ICE2: variants seen among roughly 807,000 people sequenced by gnomAD.
ICE2 encodes the protein little elongation complex subunit 2.
Under a neutral mutation model 105.4 loss-of-function variants are expected in ICE2, and 87 were observed. That is an observed-to-expected ratio of 0.83 (90% CI 0.69 to 0.99). The LOEUF is 0.99. Among genes scored for constraint, ICE2 ranks in the 50% least tolerant of loss-of-function variants. ICE2 has a pLI of 0.00. For missense variants in ICE2, 1,323 were observed against 1,146.7 expected, an observed-to-expected ratio of 1.15 and a Z score of -2.22; for synonymous variants, 399 against 392.0, an observed-to-expected ratio of 1.02 and a Z score of -0.21.
chr15:60,448,353 C>T (rs1785536429), intron 10 of ICE2, among the ~76,000 whole-genome samples: 1 of 152,128 alleles, frequency 6.6e-6, no homozygotes, highest in African/African-American at 2.4e-5. Flanking sequence ...AGGTTCTTCT[C>T]CTTTTAACTT....
At chr15:60,438,582 A>G (rs1463845131) in intron 12 of ICE2, 2 of 152,234 alleles carry the variant, frequency 1.3e-5, no homozygotes, top group Non-Finnish European at 2.9e-5. Context: ...ATGTTTACTA[A>G]TTATGTCTTT....
chr15:60,449,166 A>C lies in ICE2; in HGVS notation c.1801T>G (p.Ser601Ala). 6.2e-7 allele frequency: 1 copy of C among 1,614,064 alleles called. No individual in the cohort carries two copies. Among genetic ancestry groups the C allele is most frequent in the Non-Finnish European group, 8.5e-7 (1 of 1,179,944 alleles). Reference sequence around the variant, plus strand: ...GAAGAATTTGGACTAGCTGGTCTGGAACTTAAGTTAGAACCCACAACAGCT... The same window carrying C: ...GAAGAATTTGGACTAGCTGGTCTGGCACTTAAGTTAGAACCCACAACAGCT... Reference protein sequence around the residue: ...KTAVVGSNLSSRPASPNSSSG... With the variant: ...KTAVVGSNLSARPASPNSSSG... The change falls in exon 10 of 16, where the codon TCC becomes GCC. Residue 601 changes from serine (S) to alanine (A), a missense_variant. Physicochemically the swap from Ser to Ala is moderately conservative, Grantham distance 99. Coordinates refer to ENST00000261520, the MANE Select transcript of ICE2 (RefSeq NM_024611.6).
rs142820641 is a variant in ICE2, at chr15:60,436,407, C to A, written c.2426-180G>T. 5.8e-4 allele frequency among the ~76,000 whole-genome samples: 88 copies of A among 151,990 alleles called. 1 individual carries two copies. The East Asian group carries it at 0.011, about 19-fold the overall frequency. ...TAAGTAAAGCTATATTTTAAAATAA[C>A]ATAATTCAGATTATAAAACATTTAT... On this transcript the variant is annotated intron_variant, in intron 12 of 15. Coordinates refer to ENST00000261520, the MANE Select transcript of ICE2 (RefSeq NM_024611.6).
intron 5 of ICE2, among the ~76,000 whole-genome samples, chr15:60,457,075 G>A (rs1188083388): frequency 6.6e-6 from 1 of 152,058 alleles, no homozygotes; most frequent in Non-Finnish European, 1.5e-5. Context: ...AAAGGCACAT[G>A]AAAATTTCAA....
chr15:60,472,141 A>G (rs1175926411), intron 3 of ICE2, among the ~76,000 whole-genome samples: 1 of 151,718 alleles, frequency 6.6e-6, no homozygotes, highest in Admixed American at 6.6e-5. Context: ...TTCTTGGGGG[A>G]CTTTCCAAAT....
chr15:60,428,985 C>G (rs909504499), intron 14 of ICE2, among the ~76,000 whole-genome samples: 6 of 152,170 alleles, frequency 3.9e-5, no homozygotes, highest in African/African-American at 1.4e-4. Flanking sequence ...ATTCTCTAAT[C>G]CATAGATTAG....
intron 11 of ICE2, among the ~76,000 whole-genome samples, chr15:60,446,981 CCTTTA>C (rs1270698304): frequency 4.0e-5 from 6 of 151,864 alleles, no homozygotes; most frequent in Non-Finnish European, 5.9e-5. Context: ...TAGAAGATTC[CCTTTA>C]TTTACCAGAA....
intron 3 of ICE2, among the ~76,000 whole-genome samples, chr15:60,472,027 G>A (rs2064612783): frequency 1.3e-5 from 2 of 151,202 alleles, no homozygotes; most frequent in South Asian, 2.1e-4. Context: ...ACTCAGTTAC[G>A]AGTATCTGCA....
intron 3 of ICE2, among the ~76,000 whole-genome samples, chr15:60,471,064 G>A (rs917011357): frequency 2.0e-5 from 3 of 151,990 alleles, no homozygotes; most frequent in Admixed American, 2.0e-4. Flanking sequence ...AATTCCAAAA[G>A]ATGACAACAC....
At chr15:60,464,245 A>T (rs1160308121) in intron 5 of ICE2, among the ~76,000 whole-genome samples, 3 of 152,224 alleles carry the variant, frequency 2.0e-5, no homozygotes, top group Non-Finnish European at 2.9e-5. Flanking sequence ...TTGTTAATAA[A>T]GTACAGTTTT....
chr15:60,429,741 C>T (rs2063414900), intron 14 of ICE2, among the ~76,000 whole-genome samples: 1 of 152,028 alleles, frequency 6.6e-6, no homozygotes, highest in Non-Finnish European at 1.5e-5. Context: ...TGCTCTTATC[C>T]TCTGGAAATT....
intron 5 of ICE2, among the ~76,000 whole-genome samples, chr15:60,463,264 G>A (rs1269693372): frequency 6.6e-6 from 1 of 152,172 alleles, no homozygotes; most frequent in Non-Finnish European, 1.5e-5. Flanking sequence ...AGAAATGTAT[G>A]AGAATTTTCT....
intron 13 of ICE2, among the ~76,000 whole-genome samples, chr15:60,433,033 T>G (rs920300779): frequency 7.9e-5 from 12 of 151,914 alleles, no homozygotes; most frequent in African/African-American, 2.9e-4. Context: ...AAACCTGTGA[T>G]GACAGAGAAG....
rs1251463960 is a variant in ICE2, at chr15:60,420,289, C to A, written c.*3345G>T. ...CATACTTTACTCTCCTTACCAACAACAAAACTGAGTTGTCATTTTTTTTTT... is the reference window on the plus strand; with the variant it reads ...CATACTTTACTCTCCTTACCAACAAAAAAACTGAGTTGTCATTTTTTTTTT... On this transcript the variant is annotated 3_prime_UTR_variant, in exon 16 of 16. Transcript: ENST00000261520. 1 of 151,946 alleles carries A rather than the reference C, an allele frequency of 6.6e-6. No homozygotes were observed. Among genetic ancestry groups the A allele is most frequent in the Non-Finnish European group, 1.5e-5 (1 of 68,000 alleles). The allele number at this position is 151,946 out of a possible 1,614,324, so 9.4% of individuals were successfully genotyped here.
At chr15:60,431,901 TG>T in intron 14 of ICE2, 32 bp downstream of exon 14, 1 of 1,131,192 alleles carries the variant, frequency 8.8e-7, no homozygotes, top group Non-Finnish European at 1.3e-6. Context: ...GAAAATCAGA[TG>T]TATCAAAGCA....
intron 11 of ICE2, among the ~76,000 whole-genome samples, chr15:60,444,922 TG>T (rs1184876782): frequency 6.6e-6 from 1 of 152,184 alleles, no homozygotes; most frequent in African/African-American, 2.4e-5. Context: ...TGAGCTCAGC[TG>T]ATCTACCTGC....
chr15:60,478,104 G>C (rs966614294), intron 1 of ICE2, 35 bp from the exon 2 acceptor site: 6 of 832,740 alleles, frequency 7.2e-6, no homozygotes, highest in African/African-American at 1.7e-5. Context: ...TCAAAAGCAA[G>C]TGATTGGCTA....
intron 9 of ICE2, 136 bp from the exon 10 acceptor site, chr15:60,449,977 C>A: frequency 1.5e-6 from 1 of 680,300 alleles, no homozygotes; most frequent in South Asian, 2.0e-5. Context: ...GTAAAAGGTT[C>A]TTGTTTAAGA....
chr15:60,451,663 GA>G, intron 9 of ICE2: 1 of 943,628 alleles, frequency 1.1e-6, no homozygotes, highest in Non-Finnish European at 1.3e-6. Flanking sequence ...TTCAGGGCCT[GA>G]AAACTCAGGC....
Sources: allele counts gnomAD v4.1 joint callset (sites outside exome capture counted in the v4.1 genomes callset), GRCh38; gene constraint gnomAD v4.1.1; transcripts MANE v1.5; gene names NCBI Gene and HGNC (gene_info 2026-07-23, HGNC 2026-07-21).